Variants in HSF2BP observed in about 807,000 individuals in gnomAD.
The protein encoded by HSF2BP is heat shock transcription factor 2 binding protein.
HSF2BP carries 35 observed loss-of-function variants against 35.0 expected under a neutral mutation model. That is an observed-to-expected ratio of 1.00 (90% confidence interval 0.76 to 1.32). The LOEUF (loss-of-function observed/expected upper bound fraction) is 1.32, where lower values mean the gene tolerates loss of function less well. Among genes scored for constraint, HSF2BP ranks in the 40% most tolerant of loss-of-function variants. The pLI is 0.00. For synonymous variants in HSF2BP, 114 were observed against 117.4 expected, an observed-to-expected ratio of 0.97 and a Z score of 0.18; for missense variants, 326 against 321.7, an observed-to-expected ratio of 1.01 and a Z score of -0.10.
At chr21:43,625,369 C>A (rs952143396) in intron 6 of HSF2BP, among the ~76,000 whole-genome samples, 23 of 152,168 alleles carry the variant, frequency 1.5e-4, no homozygotes, top group East Asian at 7.7e-4. Context: ...AATAAAAAAA[C>A]CCCAGCTAAA....
intron 7 of HSF2BP, among the ~76,000 whole-genome samples, chr21:43,599,435 G>T (rs927141989): frequency 6.6e-6 from 1 of 152,294 alleles, no homozygotes; most frequent in East Asian, 1.9e-4. Context: ...AGTGTATCAA[G>T]TTTCCAATTA....
chr21:43,593,421 G>C (rs946519519), intron 7 of HSF2BP, among the ~76,000 whole-genome samples: 1 of 152,054 alleles, frequency 6.6e-6, no homozygotes, highest in African/African-American at 2.4e-5. Flanking sequence ...TAGCAAATGG[G>C]AGTTCATAAC....
chr21:43,574,627 G>A (rs2081618667), intron 8 of HSF2BP, among the ~76,000 whole-genome samples: 1 of 152,162 alleles, frequency 6.6e-6, no homozygotes. Context: ...AAAGTGCTGG[G>A]ATTACAGGCT....
chr21:43,604,622 CCACACAATCATACAG>C (rs1232609563), intron 7 of HSF2BP, among the ~76,000 whole-genome samples: 2 of 145,106 alleles, frequency 1.4e-5, no homozygotes, highest in Middle Eastern at 3.6e-3. Context: ...ACATCATACA[CCACACAATCATACAG>C]CACACACACC....
rs140139849 is a variant in HSF2BP at position 43,632,877 on chromosome 21, A to ATGTG, written c.441+391_441+394dup. ...TGCTCAAGGTTCTGCATCTATATGT[A>ATGTG]TGTGTGTGTGTGTGTATGTATAAAC... On this transcript the variant is annotated intron_variant, in intron 5 of 8. Coordinates refer to ENST00000291560, the MANE Select transcript of HSF2BP (RefSeq NM_007031.2). Among the ~76,000 whole-genome samples the ATGTG allele has an allele frequency of 9.6e-3, 1,439 of 150,562 alleles. 19 individuals carry two copies. Among genetic ancestry groups the ATGTG allele is most frequent in the African/African-American group, 0.028 (1,136 of 41,042 alleles).
At chr21:43,630,621 T>C (rs1384403708) in intron 5 of HSF2BP, among the ~76,000 whole-genome samples, 167 bp from the exon 6 acceptor site, 2 of 152,210 alleles carry the variant, frequency 1.3e-5, no homozygotes, top group Admixed American at 1.3e-4. Flanking sequence ...GCTTGAGGCA[T>C]GCAGGAGCAA....
rs2082157353 is a variant in HSF2BP at position 43,608,127 on chromosome 21, G to GT, written c.692+5702_692+5703insA. Among the ~76,000 whole-genome samples the GT allele has an allele frequency of 6.2e-5, 6 of 96,782 alleles. No homozygotes were observed. In the Admixed American group the frequency reaches 6.2e-4, roughly 10 times the overall value. The allele number at this position is 96,782 out of a possible 152,430, so 63.5% of individuals were successfully genotyped here. ...AATTAAAATAAAGAGCTTCTCCACA[G>GT]CAAAAAAAACTATCAACAGAGTAAA... On this transcript the variant is annotated intron_variant, in intron 7 of 8. Coordinates refer to ENST00000291560, the MANE Select transcript of HSF2BP (RefSeq NM_007031.2).
At chr21:43,607,868 T>G (rs973743363) in intron 7 of HSF2BP, among the ~76,000 whole-genome samples, 2 of 152,212 alleles carry the variant, frequency 1.3e-5, no homozygotes, top group African/African-American at 4.8e-5. Context: ...GTTCAATAAA[T>G]GGTGCTGGGA....
chr21:43,599,799 A>T (rs1160319532), intron 7 of HSF2BP, among the ~76,000 whole-genome samples: 1 of 152,082 alleles, frequency 6.6e-6, no homozygotes, highest in Non-Finnish European at 1.5e-5. Flanking sequence ...GTCTCAAAAA[A>T]AAAAGGAAGA....
intron 7 of HSF2BP, among the ~76,000 whole-genome samples, chr21:43,605,385 C>A (rs1042930112): frequency 1.0e-4 from 15 of 147,922 alleles, no homozygotes. Flanking sequence ...ACACACACAC[C>A]ACACACACAC....
chr21:43,579,050 CA>C (rs924570234), intron 8 of HSF2BP, among the ~76,000 whole-genome samples: 4 of 152,210 alleles, frequency 2.6e-5, no homozygotes, highest in Non-Finnish European at 5.9e-5. Flanking sequence ...AAATATTTGA[CA>C]AATGCTAACT....
In HSF2BP at chr21:43,658,324, C is replaced by A; in HGVS notation, c.-224-4G>T. The A allele has an allele frequency of 1.8e-6, 1 of 551,318 alleles. No homozygotes were observed. The highest frequency in any genetic ancestry group is 3.7e-5 in the Admixed American group (1 of 27,336). The allele number at this position is 551,318 out of a possible 1,614,324, so 34.2% of individuals were successfully genotyped here. On this transcript the variant is annotated splice_polypyrimidine_tract_variant and splice_region_variant and intron_variant, in intron 1 of 8. Transcript: ENST00000291560. ...GCCGGGGTTTTAAACTTGTTATCTG[C>A]AAAGCAGAAGGAAAGTCAGCCCCTG...
intron 6 of HSF2BP, among the ~76,000 whole-genome samples, chr21:43,621,795 A>G (rs2082334165): frequency 6.6e-6 from 1 of 152,070 alleles, no homozygotes; most frequent in Non-Finnish European, 1.5e-5. Context: ...AATTGAGGGT[A>G]TAAAACCCAC....
chr21:43,611,593 A>C (rs1435930698), intron 7 of HSF2BP, among the ~76,000 whole-genome samples: 1 of 152,230 alleles, frequency 6.6e-6, no homozygotes. Flanking sequence ...GCCCTGAGCC[A>C]CACAGAGAGC....
chr21:43,583,571 A>G (rs1286633316), intron 8 of HSF2BP, among the ~76,000 whole-genome samples: 16 of 104,196 alleles, frequency 1.5e-4, no homozygotes, highest in Non-Finnish European at 2.5e-4. Flanking sequence ...GGAGATGAAG[A>G]CCTGCTGAGG....
intron 6 of HSF2BP, among the ~76,000 whole-genome samples, chr21:43,626,800 T>A (rs991268744): frequency 6.6e-6 from 1 of 152,198 alleles, no homozygotes; most frequent in Non-Finnish European, 1.5e-5. Context: ...ATTGAACCAT[T>A]TCACTGACTT....
chr21:43,620,678 G>A (rs2082320964), intron 6 of HSF2BP, among the ~76,000 whole-genome samples: 1 of 152,142 alleles, frequency 6.6e-6, no homozygotes, highest in Non-Finnish European at 1.5e-5. Flanking sequence ...CTGGGTAACA[G>A]AGCAAGATCC....
At chr21:43,599,554 G>A (rs946606719) in intron 7 of HSF2BP, among the ~76,000 whole-genome samples, 1 of 152,158 alleles carries the variant, frequency 6.6e-6, no homozygotes, top group Non-Finnish European at 1.5e-5. Context: ...AGCACTTTGG[G>A]AGGCTGAGGC....
chr21:43,606,174 C>T (rs1244218492), intron 7 of HSF2BP, among the ~76,000 whole-genome samples: 1 of 152,158 alleles, frequency 6.6e-6, no homozygotes. Flanking sequence ...AGGTCTGCCT[C>T]CACCAGTGTG....
Sources: allele counts gnomAD v4.1 joint callset (sites outside exome capture counted in the v4.1 genomes callset), GRCh38; gene constraint gnomAD v4.1.1; transcripts MANE v1.5; gene names NCBI Gene and HGNC (gene_info 2026-07-23, HGNC 2026-07-21).